CA8: variants seen among roughly 807,000 people sequenced by gnomAD.
The protein encoded by CA8 is carbonic anhydrase-related protein.
CA8 carries 22 observed loss-of-function variants against 41.4 expected under a neutral mutation model. The ratio of observed to expected loss-of-function variants is 0.53; its 90% CI spans 0.38 to 0.76. The LOEUF is 0.76. CA8 is among the 30% of genes least tolerant of loss of function. The probability of loss-of-function intolerance (pLI) is 0.00; values close to 1 mark genes in which losing one functional copy is unlikely to be tolerated. For synonymous variants in CA8, 121 were observed against 130.6 expected (o/e 0.93, Z 0.50); for missense variants, 270 against 352.8 (o/e 0.77, Z 1.88).
At chr8:60,255,499 C>T (rs1808603173) in intron 3 of CA8, among the ~76,000 whole-genome samples, 2 of 152,184 alleles carry the variant, frequency 1.3e-5, no homozygotes, top group African/African-American at 2.4e-5. Context: ...AATGCATTAA[C>T]TCTGGAGCCA....
At chr8:60,222,455 G>A (rs1020353199) in intron 7 of CA8, among the ~76,000 whole-genome samples, 194 bp downstream of exon 7, 1 of 152,148 alleles carries the variant, frequency 6.6e-6, no homozygotes, top group Non-Finnish European at 1.5e-5. Context: ...TTAAAATATA[G>A]ACCATAAATT....
At chr8:60,219,655 T>C (rs1419622303) in intron 7 of CA8, among the ~76,000 whole-genome samples, 2 of 151,742 alleles carry the variant, frequency 1.3e-5, no homozygotes, top group African/African-American at 4.8e-5. Context: ...TGTAGAAAGG[T>C]CTCAAATAAA....
At chr8:60,209,894 T>C (rs1305839044) in intron 7 of CA8, among the ~76,000 whole-genome samples, 1 of 152,180 alleles carries the variant, frequency 6.6e-6, no homozygotes, top group Non-Finnish European at 1.5e-5. Context: ...CTACAGTTTC[T>C]CTAAGAACCC....
rs1374184275 is a variant in CA8 at position 60,226,894 on chromosome 8, G to A, written c.555C>T (p.Ile185=). The A allele has an allele frequency of 1.3e-6, 2 of 1,596,162 alleles. No individual in the cohort carries two copies. Among genetic ancestry groups the A allele is most frequent in the East Asian group, 2.2e-5 (1 of 44,804 alleles). ...TTACCTTATACTGAATATCTTGGAG[G>A]ATTTCAGTCACAGCCTTCAAGCCAA... ...EHVGLKAVTE[I]LQDIQYKGKS... Residue 185 remains isoleucine (I), a synonymous_variant, in exon 5 of 9, where the codon ATC becomes ATT. Coordinates refer to ENST00000317995, the MANE Select transcript of CA8 (RefSeq NM_004056.6).
At chr8:60,258,395 G>A (rs75342619) in intron 3 of CA8, among the ~76,000 whole-genome samples, 6,775 of 152,206 alleles carry the variant, frequency 0.045, 199 homozygotes, top group South Asian at 0.13. Context: ...ACTAGCTACA[G>A]TTTTAAGCAC....
intron 3 of CA8, among the ~76,000 whole-genome samples, chr8:60,234,534 T>C (rs1807764665): frequency 6.6e-6 from 1 of 152,216 alleles, no homozygotes; most frequent in Non-Finnish European, 1.5e-5. Flanking sequence ...AATTTTTCTA[T>C]AAATGTTAAA....
chr8:60,208,035 C>T (rs978516015), intron 8 of CA8: 1 of 152,188 alleles, frequency 6.6e-6, no homozygotes, highest in Non-Finnish European at 1.5e-5. Context: ...GACCTATGCA[C>T]TTAGGAAATT....
At chr8:60,259,150 T>C (rs942640002) in intron 3 of CA8, among the ~76,000 whole-genome samples, 3 of 152,190 alleles carry the variant, frequency 2.0e-5, no homozygotes, top group African/African-American at 7.2e-5. Context: ...AATGAATACA[T>C]GGATATGAGT....
chr8:60,215,865 G>C (rs1807001543), intron 7 of CA8, among the ~76,000 whole-genome samples: 1 of 152,148 alleles, frequency 6.6e-6, no homozygotes. Context: ...TTATGATTTA[G>C]AACTTCAATG....
intron 3 of CA8, among the ~76,000 whole-genome samples, chr8:60,262,431 C>A (rs1287525934): frequency 6.6e-6 from 1 of 151,998 alleles, no homozygotes. Flanking sequence ...CTTTCCACAG[C>A]CACCAGAACA....
intron 8 of CA8, among the ~76,000 whole-genome samples, chr8:60,206,514 T>C (rs1000634452): frequency 6.6e-6 from 1 of 152,158 alleles, no homozygotes; most frequent in Non-Finnish European, 1.5e-5. Context: ...ACAGGGAGTA[T>C]ACTAACTAAA....
At chr8:60,227,069 A>T in intron 4 of CA8, 134 bp from the exon 5 acceptor site, 3 of 718,814 alleles carry the variant, frequency 4.2e-6, no homozygotes, top group Non-Finnish European at 7.7e-6. Flanking sequence ...AGTTGGGTGG[A>T]TCACAAGGTT....
intron 1 of CA8, 82 bp downstream of exon 1, chr8:60,280,966 G>C: frequency 1.0e-6 from 1 of 987,574 alleles, no homozygotes; most frequent in Admixed American, 1.7e-5. Flanking sequence ...AGCGCGCAGC[G>C]GCAGCAGGAC....
chr8:60,212,480 T>C (rs1254333009), intron 7 of CA8, among the ~76,000 whole-genome samples: 1 of 152,238 alleles, frequency 6.6e-6, no homozygotes, highest in Non-Finnish European at 1.5e-5. Context: ...TGCAGGTATC[T>C]CTTCAAGATA....
intron 3 of CA8, among the ~76,000 whole-genome samples, chr8:60,246,403 G>C (rs1808238361): frequency 6.6e-6 from 1 of 151,902 alleles, no homozygotes; most frequent in African/African-American, 2.4e-5. Flanking sequence ...AGCAATTCTT[G>C]TGCCTCAGGC....
intron 8 of CA8, among the ~76,000 whole-genome samples, chr8:60,194,582 T>G (rs1806225949): frequency 6.6e-6 from 1 of 152,174 alleles, no homozygotes; most frequent in East Asian, 1.9e-4. Context: ...GACAAGTATC[T>G]CCAGTCCACC....
chr8:60,192,183 C>A (rs1806150187), intron 8 of CA8, among the ~76,000 whole-genome samples: 1 of 150,650 alleles, frequency 6.6e-6, no homozygotes, highest in African/African-American at 2.5e-5. Flanking sequence ...TTGTTTACTG[C>A]AAATACCAGA....
chr8:60,255,837 TTTTG>T (rs1563373054), intron 3 of CA8, among the ~76,000 whole-genome samples: 1 of 152,194 alleles, frequency 6.6e-6, no homozygotes. Context: ...GAATATCAGC[TTTTG>T]TTTAACAACA....
chr8:60,240,550 A>G (rs1186553751), intron 3 of CA8, among the ~76,000 whole-genome samples: 1 of 152,260 alleles, frequency 6.6e-6, no homozygotes, highest in Non-Finnish European at 1.5e-5. Flanking sequence ...TAAATATTCA[A>G]TGCAGCCCAT....
Sources: allele counts gnomAD v4.1 joint callset (sites outside exome capture counted in the v4.1 genomes callset), GRCh38; gene constraint gnomAD v4.1.1; transcripts MANE v1.5; gene names NCBI Gene and HGNC (gene_info 2026-07-23, HGNC 2026-07-21).